Variants in KIAA1217 observed in about 807,000 individuals in gnomAD.
The protein encoded by KIAA1217 is KIAA1217.
Under a neutral mutation model 163.9 loss-of-function variants are expected in KIAA1217, and 88 were observed. The observed-to-expected ratio is 0.54, with a 90% CI of 0.45 to 0.64. The LOEUF (loss-of-function observed/expected upper bound fraction) is 0.64, where lower values mean the gene tolerates loss of function less well. Ranked by LOEUF, KIAA1217 falls within the 30% of genes least tolerant of loss-of-function variation. The probability of loss-of-function intolerance (pLI) is 0.00; values close to 1 mark genes in which losing one functional copy is unlikely to be tolerated. For synonymous variants in KIAA1217, 903 were observed against 923.1 expected (o/e 0.98, Z 0.39); for missense variants, 2,372 against 2,475.0 (o/e 0.96, Z 0.88).
At chr10:24,525,361 T>G (rs1367907848) in intron 13 of KIAA1217, among the ~76,000 whole-genome samples, 1 of 152,116 alleles carries the variant, frequency 6.6e-6, no homozygotes, top group African/African-American at 2.4e-5. Flanking sequence ...GATACTAAAA[T>G]GCTGGATCAA....
intron 2 of KIAA1217, among the ~76,000 whole-genome samples, chr10:24,191,321 G>A (rs542393210): frequency 6.6e-6 from 1 of 152,108 alleles, no homozygotes; most frequent in Non-Finnish European, 1.5e-5. Context: ...CATTTAACAG[G>A]CACAATAGGA....
At chr10:24,177,750 G>A (rs903220320) in intron 2 of KIAA1217, among the ~76,000 whole-genome samples, 2 of 152,038 alleles carry the variant, frequency 1.3e-5, no homozygotes, top group Non-Finnish European at 2.9e-5. Flanking sequence ...GGGGAGGCTA[G>A]CTTCACTTGA....
chr10:24,474,041 C>A lies in KIAA1217; in HGVS notation c.1660C>A (p.Pro554Thr). The change falls in exon 6 of 21, where the codon CCC (proline) becomes ACC (threonine). Residue 554 changes from proline (P) to threonine (T), a missense_variant. Coordinates refer to ENST00000376454, the MANE Select transcript of KIAA1217 (RefSeq NM_019590.5). Reference sequence around the variant, plus strand: ...TTTTGCCTACAGCACGGCGACAATACCCAAAGACAGAGAGACCAGGTAAGG... The same window carrying A: ...TTTTGCCTACAGCACGGCGACAATAACCAAAGACAGAGAGACCAGGTAAGG... Reference protein sequence around the residue: ...QVFAYSTATIPKDRETRERMQ... With the variant: ...QVFAYSTATITKDRETRERMQ... 1 of 1,605,976 alleles carries A rather than the reference C, an allele frequency of 6.2e-7. No individual in the cohort carries two copies. The highest frequency in any genetic ancestry group is 8.5e-7 in the Non-Finnish European group (1 of 1,175,386).
chr10:23,738,328 A>G (rs1185341059), intron 1 of KIAA1217, among the ~76,000 whole-genome samples: 6 of 152,210 alleles, frequency 3.9e-5, no homozygotes, highest in Non-Finnish European at 1.5e-5. Flanking sequence ...ATCTCTGATT[A>G]TTGCCTCTCA....
At chr10:24,527,253 T>G (rs1435954763) in intron 13 of KIAA1217, among the ~76,000 whole-genome samples, 1 of 151,736 alleles carries the variant, frequency 6.6e-6, no homozygotes, top group East Asian at 1.9e-4. Flanking sequence ...TTCTTAGTGT[T>G]GTGGGTTTTG....
chr10:24,341,621 CAA>C (rs142468856), intron 2 of KIAA1217, among the ~76,000 whole-genome samples: 2,606 of 152,230 alleles, frequency 0.017, 81 homozygotes, highest in African/African-American at 0.059. Context: ...GCGTCATAGC[CAA>C]AGACTCCTTT....
At chr10:23,708,745 A>G (rs1837047293) in intron 1 of KIAA1217, among the ~76,000 whole-genome samples, 1 of 152,148 alleles carries the variant, frequency 6.6e-6, no homozygotes, top group East Asian at 1.9e-4. Flanking sequence ...TAAGGATGGT[A>G]TGAGGCGTTT....
chr10:24,380,475 T>C (rs1355500833), intron 2 of KIAA1217, among the ~76,000 whole-genome samples: 1 of 152,086 alleles, frequency 6.6e-6, no homozygotes, highest in Non-Finnish European at 1.5e-5. Context: ...ACCCCATCTC[T>C]GCTAAAAAAC....
At chr10:24,257,517 C>G (rs371520976) in intron 2 of KIAA1217, among the ~76,000 whole-genome samples, 4 of 152,204 alleles carry the variant, frequency 2.6e-5, no homozygotes, top group Non-Finnish European at 5.9e-5. Context: ...ATCCCAGGAC[C>G]CTTTTTTAGT....
Position 24,267,940 on chromosome 10 carries a change from C to T in KIAA1217, c.354+48031C>T, listed in dbSNP as rs149759943. 3.9e-5 allele frequency among the ~76,000 whole-genome samples: 6 copies of T among 152,282 alleles called. No homozygotes were observed. The East Asian group carries it at 9.7e-4, about 25-fold the overall frequency. On this transcript the variant is annotated intron_variant, in intron 2 of 20. Transcript: ENST00000376454. ...TCAAATTTCATTTCCCATTATCTTA[C>T]ACCTAATTAAAGAGATAATGTGCCT...
chr10:24,524,794 C>G, intron 13 of KIAA1217, 30 bp downstream of exon 13: 1 of 1,529,218 alleles, frequency 6.5e-7, no homozygotes, highest in Admixed American at 1.9e-5. Context: ...TCTCATAACC[C>G]CATAAAGGAG....
chr10:24,175,443 A>ATATGTG (rs1554893764), intron 2 of KIAA1217, among the ~76,000 whole-genome samples: 1 of 149,894 alleles, frequency 6.7e-6, no homozygotes, highest in East Asian at 2.0e-4. Flanking sequence ...GTGTATATAT[A>ATATGTG]TGTGTGTGTG....
intron 1 of KIAA1217, among the ~76,000 whole-genome samples, chr10:24,000,595 A>G (rs1023191545): frequency 1.3e-5 from 2 of 152,216 alleles, no homozygotes; most frequent in Non-Finnish European, 2.9e-5. Context: ...GAGTAACACA[A>G]TGTGTATCTT....
chr10:24,229,594 T>G (rs1235508110), intron 2 of KIAA1217, among the ~76,000 whole-genome samples: 1 of 152,196 alleles, frequency 6.6e-6, no homozygotes, highest in East Asian at 1.9e-4. Flanking sequence ...CTCGGCTCAC[T>G]GCAACCTCCG....
chr10:24,192,026 G>A (rs1432656153), intron 2 of KIAA1217, among the ~76,000 whole-genome samples: 3 of 152,194 alleles, frequency 2.0e-5, no homozygotes, highest in African/African-American at 4.8e-5. Flanking sequence ...TTACAGGCGT[G>A]AGCTACTGCT....
At chr10:24,205,708 G>A (rs529485092), upstream of KIAA1217, among the ~76,000 whole-genome samples, 27 of 152,102 alleles carry the variant, frequency 1.8e-4, 1 homozygote, top group East Asian at 4.8e-3. Flanking sequence ...AGAAGGTGGA[G>A]GTTGCAGTGA....
intron 1 of KIAA1217, among the ~76,000 whole-genome samples, chr10:23,948,081 C>G (rs1439357764): frequency 6.6e-6 from 1 of 152,112 alleles, no homozygotes; most frequent in Non-Finnish European, 1.5e-5. Context: ...TGTTTGCTTT[C>G]GTGAGGTTGT....
At chr10:23,886,534 G>A (rs1841182288) in intron 1 of KIAA1217, among the ~76,000 whole-genome samples, 1 of 151,990 alleles carries the variant, frequency 6.6e-6, no homozygotes, top group Non-Finnish European at 1.5e-5. Context: ...CTGGGCTTTG[G>A]TCAACGTGTT....
At chr10:24,408,608 C>A (rs900845855) in intron 3 of KIAA1217, among the ~76,000 whole-genome samples, 5 of 152,224 alleles carry the variant, frequency 3.3e-5, no homozygotes, top group African/African-American at 1.2e-4. Context: ...TTCCTGGCAT[C>A]TTGGCAGCTT....
Sources: gnomAD v4.1 joint callset for allele counts (sites outside exome capture counted in the v4.1 genomes callset) on GRCh38, gnomAD v4.1.1 for gene constraint, MANE v1.5 for transcripts, NCBI Gene and HGNC (gene_info 2026-07-23, HGNC 2026-07-21) for gene names.